SGCD: variants seen among roughly 807,000 people sequenced by gnomAD.
SGCD encodes the protein sarcoglycan delta, also known as delta-sarcoglycan.
Under a neutral mutation model 36.6 loss-of-function variants are expected in SGCD, and 18 were observed. The observed-to-expected ratio is 0.49, with a 90% CI of 0.34 to 0.73. SGCD has a LOEUF of 0.73. Ranked by LOEUF, SGCD falls within the 30% of genes least tolerant of loss-of-function variation. The pLI, the probability that SGCD is intolerant of heterozygous loss-of-function variation, is 0.01. For missense variants in SGCD, 387 were observed against 346.7 expected, an observed-to-expected ratio of 1.12 and a Z score of -0.92; for synonymous variants, 133 against 130.6, an observed-to-expected ratio of 1.02 and a Z score of -0.12.
At chr5:156,497,615 C>T (rs781660102) in intron 3 of SGCD, among the ~76,000 whole-genome samples, 2 of 147,412 alleles carry the variant, frequency 1.4e-5, no homozygotes, top group African/African-American at 2.5e-5. Flanking sequence ...CTCACTTGTG[C>T]GCGTGCTTTC....
At chr5:156,742,585 T>TA (rs888535580) in intron 7 of SGCD, among the ~76,000 whole-genome samples, 5 of 152,106 alleles carry the variant, frequency 3.3e-5, no homozygotes, top group African/African-American at 1.2e-4. Flanking sequence ...TCCACTCTGT[T>TA]AGAGAAACAG....
At chr5:156,107,011 A>G (rs1410810679) in intron 1 of SGCD, among the ~76,000 whole-genome samples, 1 of 152,204 alleles carries the variant, frequency 6.6e-6, no homozygotes, top group Non-Finnish European at 1.5e-5. Flanking sequence ...TCCCCTTGAC[A>G]TTTGATCTCT....
At chr5:156,097,294 A>G (rs1761403228) in intron 1 of SGCD, among the ~76,000 whole-genome samples, 1 of 152,164 alleles carries the variant, frequency 6.6e-6, no homozygotes, top group Non-Finnish European at 1.5e-5. Context: ...TACTCTCAGC[A>G]TCTCTCTATT....
intron 3 of SGCD, among the ~76,000 whole-genome samples, chr5:156,276,086 C>A (rs1766312199): frequency 1.3e-5 from 2 of 152,100 alleles, no homozygotes; most frequent in African/African-American, 4.8e-5. Context: ...TGTTTCAACT[C>A]AATTCTATCA....
At chr5:156,745,589 G>A (rs997615011) in intron 7 of SGCD, among the ~76,000 whole-genome samples, 12 of 152,104 alleles carry the variant, frequency 7.9e-5, no homozygotes, top group African/African-American at 2.4e-4. Context: ...CAAGAGAGCA[G>A]GCAGGAAAAC....
intron 6 of SGCD, among the ~76,000 whole-genome samples, chr5:156,645,819 T>C (rs1201499382): frequency 6.6e-6 from 1 of 152,124 alleles, no homozygotes; most frequent in African/African-American, 2.4e-5. Context: ...CTGTTTCTAG[T>C]TCATAGAAAA....
At chr5:155,949,027 C>A (rs923066719) in intron 1 of SGCD, among the ~76,000 whole-genome samples, 4 of 152,120 alleles carry the variant, frequency 2.6e-5, no homozygotes, top group African/African-American at 7.2e-5. Context: ...AAATGCATAC[C>A]ACAGGACTGG....
chr5:155,828,830 G>T, the SGCD span, among the ~76,000 whole-genome samples: 54 of 151,994 alleles, frequency 3.6e-4, no homozygotes, highest in Non-Finnish European at 2.9e-5. Flanking sequence ...GGGATGACAG[G>T]CATGTGCCAC....
At chr5:156,105,462 T>TAAC (rs1360216257) in intron 1 of SGCD, among the ~76,000 whole-genome samples, 1 of 152,230 alleles carries the variant, frequency 6.6e-6, no homozygotes, top group Non-Finnish European at 1.5e-5. Flanking sequence ...TTTGTAAATT[T>TAAC]AACTTTTCAA....
intron 1 of SGCD, among the ~76,000 whole-genome samples, chr5:155,931,373 A>G (rs1757094357): frequency 6.6e-6 from 1 of 152,126 alleles, no homozygotes; most frequent in Non-Finnish European, 1.5e-5. Flanking sequence ...TTATTTTTCC[A>G]TTTTTTATTT....
At chr5:155,800,083 T>A in the SGCD span, among the ~76,000 whole-genome samples, 2 of 152,100 alleles carry the variant, frequency 1.3e-5, no homozygotes, top group African/African-American at 4.8e-5. Flanking sequence ...GCTCTCAAAG[T>A]GCTAAGATTA....
chr5:156,323,758 G>T (rs1580820182), upstream of SGCD, among the ~76,000 whole-genome samples: 1 of 152,310 alleles, frequency 6.6e-6, no homozygotes, highest in East Asian at 1.9e-4. Flanking sequence ...AAGCAAAGAG[G>T]TCACCATGTA....
chr5:156,320,895 A>C (rs996487004), intron 3 of SGCD, among the ~76,000 whole-genome samples: 12 of 152,100 alleles, frequency 7.9e-5, no homozygotes, highest in Admixed American at 7.2e-4. Flanking sequence ...CATTGGATTT[A>C]CTCTGTTTTG....
intron 7 of SGCD, among the ~76,000 whole-genome samples, chr5:156,744,997 A>G (rs1283619957): frequency 6.6e-6 from 1 of 152,176 alleles, no homozygotes; most frequent in Non-Finnish European, 1.5e-5. Flanking sequence ...ACACAGAGAC[A>G]TCAGCTGATC....
chr5:156,507,592 T>A (rs1756755160), intron 3 of SGCD, among the ~76,000 whole-genome samples: 1 of 152,230 alleles, frequency 6.6e-6, no homozygotes, highest in Admixed American at 6.5e-5. Flanking sequence ...CATCTGAATC[T>A]GATCAAGCCT....
intron 7 of SGCD, among the ~76,000 whole-genome samples, chr5:156,722,326 G>T (rs1755549271): frequency 6.6e-6 from 1 of 152,212 alleles, no homozygotes; most frequent in African/African-American, 2.4e-5. Context: ...GAACAGAACA[G>T]AGAAGATAAT....
At chr5:156,428,662 G>A (rs1008440021) in intron 3 of SGCD, among the ~76,000 whole-genome samples, 5 of 152,080 alleles carry the variant, frequency 3.3e-5, no homozygotes, top group Admixed American at 3.3e-4. Context: ...GACTTTTGAT[G>A]TACTCATTTA....
chr5:156,559,014 C>G (rs76203729), intron 4 of SGCD, among the ~76,000 whole-genome samples: 1 of 151,868 alleles, frequency 6.6e-6, no homozygotes, highest in African/African-American at 2.4e-5. Flanking sequence ...AAGAATAGGA[C>G]TAAGAGCTCC....
At chr5:156,116,954 C>T (rs1761920342) in intron 1 of SGCD, among the ~76,000 whole-genome samples, 2 of 152,020 alleles carry the variant, frequency 1.3e-5, no homozygotes, top group African/African-American at 4.8e-5. Flanking sequence ...GCCTCAGACT[C>T]TTTGGGTTTA....
Sources: allele counts gnomAD v4.1 joint callset (sites outside exome capture counted in the v4.1 genomes callset), GRCh38; gene constraint gnomAD v4.1.1; transcripts MANE v1.5; gene names NCBI Gene and HGNC (gene_info 2026-07-23, HGNC 2026-07-21).